Variants in DACH1 observed in about 807,000 individuals in gnomAD.
The protein encoded by DACH1 is dachshund homolog 1.
Under a neutral mutation model 54.2 loss-of-function variants are expected in DACH1, and 12 were observed. The ratio of observed to expected loss-of-function variants is 0.22; its 90% CI spans 0.14 to 0.36. The LOEUF is 0.36. Ranked by LOEUF, DACH1 falls within the 10% of genes least tolerant of loss-of-function variation. The probability of loss-of-function intolerance (pLI) is 1.00; values close to 1 mark genes in which losing one functional copy is unlikely to be tolerated. For synonymous variants in DACH1, 386 were observed against 366.2 expected, an observed-to-expected ratio of 1.05 and a Z score of -0.62; for missense variants, 805 against 929.8, an observed-to-expected ratio of 0.87 and a Z score of 1.75.
In DACH1 at chr13:71,688,413, A is replaced by G. The variant is rs371087818; in HGVS notation, c.849-6503T>C. ...ATCCAAATCATCCAGAAGCTATATG[A>G]TTAACATTATTTTCCCTTCTAATGC... On this transcript the variant is annotated intron_variant, in intron 1 of 10. Transcript: ENST00000613252. Among the ~76,000 whole-genome samples, 26 of 152,324 alleles carry G rather than the reference A, an allele frequency of 1.7e-4. No homozygotes were observed. The South Asian group carries it at 5.0e-3, about 29-fold the overall frequency.
At chr13:71,858,835 T>C (rs1418313149) in intron 1 of DACH1, among the ~76,000 whole-genome samples, 1 of 151,670 alleles carries the variant, frequency 6.6e-6, no homozygotes, top group Admixed American at 6.6e-5. Flanking sequence ...ATTCAACCTG[T>C]ACGGTACATT....
intron 1 of DACH1, among the ~76,000 whole-genome samples, chr13:71,740,110 A>T (rs2137944476): frequency 6.6e-6 from 1 of 152,306 alleles, no homozygotes; most frequent in South Asian, 2.1e-4. Context: ...TTGTCTCGTT[A>T]ACTAGAATCC....
chr13:71,473,530 T>C (rs1877264073), intron 10 of DACH1, among the ~76,000 whole-genome samples: 2 of 152,186 alleles, frequency 1.3e-5, no homozygotes, highest in Non-Finnish European at 1.5e-5. Context: ...ATATGTAAAT[T>C]TGACAAATTC....
intron 1 of DACH1, among the ~76,000 whole-genome samples, chr13:71,773,478 C>A (rs1482404973): frequency 6.6e-6 from 1 of 151,812 alleles, no homozygotes; most frequent in African/African-American, 2.4e-5. Flanking sequence ...AAAACTAAAC[C>A]AATGAAATGT....
intron 4 of DACH1, among the ~76,000 whole-genome samples, chr13:71,567,809 G>A (rs1481783851): frequency 6.6e-6 from 1 of 151,784 alleles, no homozygotes; most frequent in Non-Finnish European, 1.5e-5. Context: ...AATATGCTGC[G>A]TTTCTTCCTT....
chr13:71,580,868 G>T (rs2138433058), intron 3 of DACH1, among the ~76,000 whole-genome samples: 1 of 151,880 alleles, frequency 6.6e-6, no homozygotes, highest in African/African-American at 2.4e-5. Context: ...TCTCTATTTT[G>T]TCTGTTTTTA....
At chr13:71,654,913 G>A (rs938111628) in intron 2 of DACH1, among the ~76,000 whole-genome samples, 2 of 152,158 alleles carry the variant, frequency 1.3e-5, no homozygotes, top group African/African-American at 4.8e-5. Context: ...AAAGTTGGAG[G>A]TTTATCTTTC....
chr13:71,640,206 T>C (rs1877795874), intron 2 of DACH1, among the ~76,000 whole-genome samples: 1 of 152,024 alleles, frequency 6.6e-6, no homozygotes, highest in African/African-American at 2.4e-5. Context: ...ACCCCCACTT[T>C]GCTCTAGTAG....
intron 1 of DACH1, among the ~76,000 whole-genome samples, chr13:71,828,418 G>A (rs899627552): frequency 6.6e-6 from 1 of 151,818 alleles, no homozygotes; most frequent in African/African-American, 2.4e-5. Context: ...TTTCTTCATT[G>A]GTGAATTAAG....
At chr13:71,490,352 C>T (rs1011637536) in intron 6 of DACH1, among the ~76,000 whole-genome samples, 8 of 152,188 alleles carry the variant, frequency 5.3e-5, no homozygotes, top group Non-Finnish European at 1.0e-4. Flanking sequence ...CCCTGTCCCT[C>T]ACTAATGTCA....
chr13:71,644,309 A>G (rs535719336), intron 2 of DACH1, among the ~76,000 whole-genome samples: 51 of 152,210 alleles, frequency 3.4e-4, no homozygotes, highest in Non-Finnish European at 6.5e-4. Context: ...GAACACTTTT[A>G]TCTTCTTAGC....
chr13:71,837,623 A>G (rs1192996645), intron 1 of DACH1, among the ~76,000 whole-genome samples: 2 of 152,242 alleles, frequency 1.3e-5, no homozygotes, highest in African/African-American at 4.8e-5. Flanking sequence ...TGGCAGGCAA[A>G]ACAGATAGGT....
At chr13:71,496,552 G>A (rs1414483127) in intron 6 of DACH1, among the ~76,000 whole-genome samples, 2 of 151,744 alleles carry the variant, frequency 1.3e-5, no homozygotes, top group South Asian at 4.2e-4. Flanking sequence ...AGACAATTGA[G>A]ACTCAGAAGG....
rs772936864 is a variant in DACH1 at position 71,866,277 on chromosome 13, C to T, written c.493G>A (p.Gly165Ser). The T allele has an allele frequency of 6.3e-7, 1 of 1,586,740 alleles. No individual in the cohort carries two copies. Among genetic ancestry groups the T allele is most frequent in the South Asian group, 1.1e-5 (1 of 88,386 alleles). ...TACACGGGTTTCCCGGGGAGGGGGC[C>T]GCAGCTGCTGCTGCTACTGCTGCTG... ...SSSSSSSSSC[G>S]PLPGKPVYST... is the part of the protein sequence containing the mutation. The change falls in exon 1 of 11, where the codon GGC (glycine) becomes AGC (serine). Residue 165 changes from glycine to serine, a missense_variant. By Grantham distance (56) the Gly-to-Ser change is moderately conservative. Transcript: ENST00000613252.
chr13:71,480,883 C>A (rs1877971388), intron 7 of DACH1, among the ~76,000 whole-genome samples: 1 of 152,152 alleles, frequency 6.6e-6, no homozygotes, highest in Non-Finnish European at 1.5e-5. Flanking sequence ...GACCCTGAAT[C>A]TCCTGGTATA....
intron 1 of DACH1, among the ~76,000 whole-genome samples, chr13:71,689,038 C>T (rs983153431): frequency 4.6e-5 from 7 of 152,092 alleles, no homozygotes; most frequent in Non-Finnish European, 8.8e-5. Flanking sequence ...CACCATGAAA[C>T]CTGCCATTGC....
intron 3 of DACH1, among the ~76,000 whole-genome samples, chr13:71,592,193 AAG>A (rs1319901263): frequency 6.6e-6 from 1 of 152,140 alleles, no homozygotes; most frequent in Non-Finnish European, 1.5e-5. Context: ...GAGGAGGAGA[AAG>A]AAGTACTTTG....
intron 1 of DACH1, among the ~76,000 whole-genome samples, chr13:71,702,298 C>A (rs751732543): frequency 2.0e-5 from 3 of 152,024 alleles, no homozygotes; most frequent in Non-Finnish European, 4.4e-5. Context: ...ATCTAGATTT[C>A]TTATGAAACA....
Position 71,438,436 on chromosome 13 carries a change from A to T in DACH1, c.*2219T>A, listed in dbSNP as rs1873703932. 6.6e-6 allele frequency: 1 copy of T among 152,468 alleles called. No individual in the cohort carries two copies. The highest frequency in any genetic ancestry group is 2.1e-4 in the South Asian group (1 of 4,836). 9.4% of individuals were successfully genotyped at this position (152,468 alleles called of 1,614,324 possible). A position where few individuals can be genotyped will look rare whatever the true frequency, so the allele number is the denominator to read the frequency against. On this transcript the variant is annotated 3_prime_UTR_variant, in exon 11 of 11. Transcript: ENST00000613252. ...AGTTACAGACTTACAATAACATTTC[A>T]TGAATTGTAATATTTACAACATGTT...
Sources: allele counts gnomAD v4.1 joint callset (sites outside exome capture counted in the v4.1 genomes callset), GRCh38; gene constraint gnomAD v4.1.1; transcripts MANE v1.5; gene names NCBI Gene and HGNC (gene_info 2026-07-23, HGNC 2026-07-21).